Variants in DZIP3 observed in about 807,000 individuals in gnomAD.
DZIP3 encodes DAZ interacting zinc finger protein 3, also known as E3 ubiquitin-protein ligase DZIP3.
A neutral mutation model predicts 162.0 loss-of-function variants in DZIP3; 118 were observed. That is an observed-to-expected ratio of 0.73 (90% confidence interval 0.63 to 0.85). The LOEUF (loss-of-function observed/expected upper bound fraction) is 0.85. Ranked by LOEUF, DZIP3 falls within the 40% of genes least tolerant of loss-of-function variation. The pLI is 0.00. For missense variants in DZIP3, 1,331 were observed against 1,407.0 expected (o/e 0.95, Z 0.86); for synonymous variants, 438 against 458.6 (o/e 0.96, Z 0.57).
chr3:108,681,917 CTG>C, intron 26 of DZIP3, among the ~76,000 whole-genome samples: 1 of 105,680 alleles, frequency 9.5e-6, no homozygotes. Context: ...ACATCACACA[CTG>C]GGGCCTGTCG....
At chr3:108,677,002 T>C (rs1944134068) in intron 25 of DZIP3, among the ~76,000 whole-genome samples, 1 of 152,138 alleles carries the variant, frequency 6.6e-6, no homozygotes, top group Non-Finnish European at 1.5e-5. Context: ...TAGAACAAGC[T>C]AGAGTTACAG....
Position 108,632,996 on chromosome 3 carries a change from T to C in DZIP3, c.740T>C (p.Met247Thr). 1 of 1,485,626 alleles carries C rather than the reference T, an allele frequency of 6.7e-7. No individual in the cohort carries two copies. Among genetic ancestry groups the C allele is most frequent in the South Asian group, 1.4e-5 (1 of 69,228 alleles). 92.0% of individuals were successfully genotyped at this position (1,485,626 alleles called of 1,614,324 possible). The change falls in exon 9 of 33, where the codon ATG becomes ACG. Residue 247 changes from methionine (M) to threonine (T), a missense_variant. By Grantham distance (81) the Met-to-Thr change is moderately conservative (BLOSUM62 -1). Transcript: ENST00000361582. ...NFIKTTESNIMKQTICSYLDC... is the reference protein window; with the variant it reads ...NFIKTTESNITKQTICSYLDC... ...ATCAAGACAACTGAAAGCAATATAA[T>C]GAAGCAGACGATTTGTAGTTACCTA...
chr3:108,594,221 T>C (rs1939584135), intron 1 of DZIP3, among the ~76,000 whole-genome samples: 1 of 152,136 alleles, frequency 6.6e-6, no homozygotes, highest in African/African-American at 2.4e-5. Flanking sequence ...AAGAACCAAC[T>C]TTCATTTTAT....
At chr3:108,663,508 A>G (rs1943536532) in intron 21 of DZIP3, among the ~76,000 whole-genome samples, 1 of 150,896 alleles carries the variant, frequency 6.6e-6, no homozygotes, top group Non-Finnish European at 1.5e-5. Context: ...GTGAGCCGAG[A>G]TCGTGCCGTT....
At chr3:108,627,532 T>A (rs1428192493) in intron 7 of DZIP3, among the ~76,000 whole-genome samples, 1 of 152,176 alleles carries the variant, frequency 6.6e-6, no homozygotes, top group Non-Finnish European at 1.5e-5. Flanking sequence ...CCTCAAGAAA[T>A]TTTCAGCATT....
At chr3:108,603,423 G>C (rs973016241) in intron 1 of DZIP3, among the ~76,000 whole-genome samples, 1 of 150,470 alleles carries the variant, frequency 6.6e-6, no homozygotes, top group South Asian at 2.1e-4. Flanking sequence ...TCTCTGCTTC[G>C]TTATTAGCTG....
At chr3:108,686,383 G>T in intron 27 of DZIP3, 62 bp from the exon 28 acceptor site, 6 of 1,433,166 alleles carry the variant, frequency 4.2e-6, no homozygotes, top group Non-Finnish European at 2.8e-6. Flanking sequence ...ATTTTCTGAG[G>T]TATAGGAATG....
At chr3:108,689,074 CT>C (rs1944597943) in intron 31 of DZIP3, 150 bp downstream of exon 31, 1 of 747,660 alleles carries the variant, frequency 1.3e-6, no homozygotes, top group Non-Finnish European at 2.2e-6. Context: ...AACATTTATG[CT>C]TTTCCCATAC....
At chr3:108,625,081 T>C (rs1941532898) in intron 6 of DZIP3, among the ~76,000 whole-genome samples, 1 of 152,206 alleles carries the variant, frequency 6.6e-6, no homozygotes, top group Non-Finnish European at 1.5e-5. Flanking sequence ...TTAAATACTT[T>C]AATGTAGTAC....
At chr3:108,675,942 TTAG>T in intron 25 of DZIP3, 69 bp downstream of exon 25, 1 of 1,333,778 alleles carries the variant, frequency 7.5e-7, no homozygotes, top group Non-Finnish European at 1.0e-6. Flanking sequence ...AGAAGACATA[TTAG>T]TAGAAAAATT....
intron 1 of DZIP3, among the ~76,000 whole-genome samples, chr3:108,595,078 A>C (rs1939640119): frequency 6.6e-6 from 1 of 152,366 alleles, no homozygotes; most frequent in East Asian, 1.9e-4. Context: ...TGAAATAGAC[A>C]AACCAGAATA....
At chr3:108,690,737 C>G in intron 31 of DZIP3, 50 bp from the exon 32 acceptor site, 1 of 1,543,684 alleles carries the variant, frequency 6.5e-7, no homozygotes, top group Non-Finnish European at 8.9e-7. Context: ...TGACAACTGC[C>G]TCTGCTAGGC....
chr3:108,612,176 CT>C (rs1465105559), intron 4 of DZIP3, among the ~76,000 whole-genome samples: 1 of 151,990 alleles, frequency 6.6e-6, no homozygotes, highest in East Asian at 1.9e-4. Flanking sequence ...ATTATATACT[CT>C]TTTCTTTGTG....
chr3:108,593,526 G>A lies in DZIP3; in HGVS notation c.-73+3687G>A, dbSNP rs187809304. Reference sequence around the variant, plus strand: ...TACCATTGAAAAAGAAATTGGAAGTGTTTCATCTTTTTTTATGCTATGGGA... The same window carrying A: ...TACCATTGAAAAAGAAATTGGAAGTATTTCATCTTTTTTTATGCTATGGGA... On this transcript the variant is annotated intron_variant, in intron 1 of 32. Coordinates refer to ENST00000361582, the MANE Select transcript of DZIP3 (RefSeq NM_014648.4). Among the ~76,000 whole-genome samples, 225 of 152,100 alleles carry A rather than the reference G, an allele frequency of 1.5e-3. 1 individual carries two copies. The highest frequency in any genetic ancestry group is 4.9e-3 in the African/African-American group (205 of 41,476).
intron 1 of DZIP3, among the ~76,000 whole-genome samples, chr3:108,602,576 G>C (rs184794130): frequency 6.6e-6 from 1 of 152,178 alleles, no homozygotes; most frequent in Non-Finnish European, 1.5e-5. Flanking sequence ...GTTTACTGCC[G>C]ACAGGGAAAG....
chr3:108,650,005 G>C (rs1942792092), intron 17 of DZIP3, among the ~76,000 whole-genome samples: 1 of 151,666 alleles, frequency 6.6e-6, no homozygotes, highest in Non-Finnish European at 1.5e-5. Flanking sequence ...CAAAGTATTG[G>C]TAAGTCATGG....
At chr3:108,654,757 G>A (rs566440401) in intron 19 of DZIP3, among the ~76,000 whole-genome samples, 22 of 151,302 alleles carry the variant, frequency 1.5e-4, no homozygotes, top group Non-Finnish European at 2.8e-4. Flanking sequence ...TTTTTTTCTG[G>A]CTCCATTCCT....
intron 10 of DZIP3, 103 bp from the exon 11 acceptor site, chr3:108,636,513 C>T (rs1942153085): frequency 2.9e-6 from 2 of 678,838 alleles, no homozygotes; most frequent in African/African-American, 3.8e-5. Context: ...TTCCAGTTTA[C>T]TGTCTAGCAA....
intron 3 of DZIP3, among the ~76,000 whole-genome samples, chr3:108,609,132 C>A (rs190324527): frequency 1.1e-4 from 17 of 152,120 alleles, no homozygotes; most frequent in African/African-American, 4.1e-4. Flanking sequence ...CCCCCATGAT[C>A]CAATCACCTC....
Sources: gnomAD v4.1 joint callset for allele counts (sites outside exome capture counted in the v4.1 genomes callset) on GRCh38, gnomAD v4.1.1 for gene constraint, MANE v1.5 for transcripts, NCBI Gene and HGNC (gene_info 2026-07-23, HGNC 2026-07-21) for gene names.